The following ZCCHC7 variants were observed in gnomAD, a reference collection of about 807,000 sequenced individuals.
ZCCHC7 encodes zinc finger CCHC domain-containing protein 7.
Under a neutral mutation model 52.0 loss-of-function variants are expected in ZCCHC7, and 35 were observed. The observed-to-expected ratio is 0.67, with a 90% CI of 0.51 to 0.89. The LOEUF (loss-of-function observed/expected upper bound fraction) is 0.89. Ranked by LOEUF, ZCCHC7 falls within the 40% of genes least tolerant of loss-of-function variation. ZCCHC7 has a pLI of 0.00. For missense variants in ZCCHC7, 574 were observed against 649.1 expected (o/e 0.88, Z 1.26); for synonymous variants, 217 against 221.5 (o/e 0.98, Z 0.18).
intron 2 of ZCCHC7, among the ~76,000 whole-genome samples, chr9:37,210,543 T>G (rs1476796977): frequency 6.6e-6 from 1 of 152,208 alleles, no homozygotes; most frequent in Non-Finnish European, 1.5e-5. Context: ...TTTCATTTGT[T>G]TCTTGTGTGC....
At chr9:37,187,907 A>G (rs1017794404) in intron 2 of ZCCHC7, among the ~76,000 whole-genome samples, 1 of 152,030 alleles carries the variant, frequency 6.6e-6, no homozygotes, top group African/African-American at 2.4e-5. Context: ...TAAAAATACT[A>G]TCCTACTTCC....
chr9:37,123,437 G>T (rs1842412028), intron 1 of ZCCHC7, among the ~76,000 whole-genome samples: 1 of 152,086 alleles, frequency 6.6e-6, no homozygotes, highest in Non-Finnish European at 1.5e-5. Context: ...TCCTCTTAAA[G>T]GCCATAGGGG....
At chr9:37,348,391 T>TTTCTTTCTTTCC (rs1372754519) in intron 6 of ZCCHC7, among the ~76,000 whole-genome samples, 106 of 150,230 alleles carry the variant, frequency 7.1e-4, no homozygotes, top group African/African-American at 2.5e-3. Flanking sequence ...TCTTTCTTTC[T>TTTCTTTCTTTCC]TTTTTGACAT....
chr9:37,315,476 A>G (rs1829776547), intron 5 of ZCCHC7, among the ~76,000 whole-genome samples: 1 of 152,082 alleles, frequency 6.6e-6, no homozygotes, highest in Non-Finnish European at 1.5e-5. Context: ...GAAGTTCAAG[A>G]CACTCAAGCA....
chr9:37,304,914 A>G (rs1829230262), intron 4 of ZCCHC7, among the ~76,000 whole-genome samples: 5 of 152,134 alleles, frequency 3.3e-5, no homozygotes, highest in Non-Finnish European at 4.4e-5. Flanking sequence ...GACCCCTTTC[A>G]CTTCTAAACC....
intron 2 of ZCCHC7, among the ~76,000 whole-genome samples, chr9:37,289,659 ATTC>A (rs1828436899): frequency 6.6e-6 from 1 of 152,094 alleles, no homozygotes; most frequent in Non-Finnish European, 1.5e-5. Flanking sequence ...CAGTGGAGTG[ATTC>A]TTTGAGTTAT....
At chr9:37,289,973 A>G (rs1349329877) in intron 2 of ZCCHC7, among the ~76,000 whole-genome samples, 1 of 152,192 alleles carries the variant, frequency 6.6e-6, no homozygotes, top group Non-Finnish European at 1.5e-5. Flanking sequence ...AGTGAAGGGT[A>G]TTCTGTCTAC....
At chr9:37,124,378 A>G (rs1287329656) in intron 1 of ZCCHC7, among the ~76,000 whole-genome samples, 1 of 151,756 alleles carries the variant, frequency 6.6e-6, no homozygotes, top group Non-Finnish European at 1.5e-5. Context: ...TTGTATTTTA[A>G]GCACATACTA....
chr9:37,316,831 C>A (rs1348678858), intron 5 of ZCCHC7, among the ~76,000 whole-genome samples: 2 of 150,874 alleles, frequency 1.3e-5, no homozygotes, highest in Non-Finnish European at 2.9e-5. Context: ...CAAATACCAC[C>A]TGAGCTGCCA....
chr9:37,215,374 T>G (rs1824449598), intron 2 of ZCCHC7, among the ~76,000 whole-genome samples: 1 of 152,140 alleles, frequency 6.6e-6, no homozygotes, highest in Non-Finnish European at 1.5e-5. Flanking sequence ...CAGAACAAAA[T>G]AACTCCTCAT....
Position 37,272,462 on chromosome 9 carries a change from G to T in ZCCHC7, c.611-29726G>T, listed in dbSNP as rs545949602. On this transcript the variant is annotated intron_variant, in intron 2 of 8. Coordinates refer to ENST00000336755, the MANE Select transcript of ZCCHC7 (RefSeq NM_032226.3). The stretch of plus-strand genomic sequence containing the variant: ...AACCATCACCCGGGTCAAGAAATAG[G>T]ACCCTTTACATGTTTCAAAGCTGTG... 7.8e-5 allele frequency among the ~76,000 whole-genome samples: 11 copies of T among 141,310 alleles called. No homozygotes were observed. In the South Asian group the frequency reaches 2.4e-3, roughly 31 times the overall value. The allele number at this position is 141,310 out of a possible 152,430, so 92.7% of individuals were successfully genotyped here. A position where few individuals can be genotyped will look rare whatever the true frequency, so the allele number is the denominator to read the frequency against.
At chr9:37,233,227 A>C (rs1379529472) in intron 2 of ZCCHC7, among the ~76,000 whole-genome samples, 4 of 152,204 alleles carry the variant, frequency 2.6e-5, no homozygotes, top group Admixed American at 2.0e-4. Context: ...TTAGCCTAGC[A>C]TATCTTAAGC....
chr9:37,330,556 A>T (rs1250123766), intron 6 of ZCCHC7, among the ~76,000 whole-genome samples: 2 of 151,672 alleles, frequency 1.3e-5, no homozygotes, highest in Admixed American at 6.6e-5. Context: ...AAAAGAAAAA[A>T]ATATTGTTTT....
In ZCCHC7 at chr9:37,340,869, G is replaced by A. The variant is rs554422023; in HGVS notation, c.988-8488G>A. Among the ~76,000 whole-genome samples, 7 of 152,220 alleles carry A rather than the reference G, an allele frequency of 4.6e-5. No homozygotes were observed. The South Asian group carries it at 1.5e-3, about 32-fold the overall frequency. On this transcript the variant is annotated intron_variant, in intron 6 of 8. Transcript: ENST00000336755. ...TGATAGTTTATTAAAATGAGAGTATGTAGATAGCGTTTGTCATGTCATTTA... is the reference window on the plus strand; with the variant it reads ...TGATAGTTTATTAAAATGAGAGTATATAGATAGCGTTTGTCATGTCATTTA...
At chr9:37,185,712 CTTCTTT>C (rs921795115) in intron 2 of ZCCHC7, among the ~76,000 whole-genome samples, 10 of 152,032 alleles carry the variant, frequency 6.6e-5, no homozygotes, top group African/African-American at 2.4e-4. Context: ...AAATTTTTTT[CTTCTTT>C]TTCTTCTATG....
At position 37,252,678 on chromosome 9, in the gene ZCCHC7, A is replaced by C. The variant is rs1411406880; in HGVS notation, c.611-49510A>C. Among the ~76,000 whole-genome samples, 8 of 152,324 alleles carry C rather than the reference A, an allele frequency of 5.3e-5. No homozygotes were observed. In the East Asian group the frequency reaches 1.5e-3, roughly 29 times the overall value. On this transcript the variant is annotated intron_variant, in intron 2 of 8. Transcript: ENST00000336755. ...ACTTTGCAAATTATTGTTTTAACTTAGATTACCAGTCAACCCAATTTAAGT... is the reference window on the plus strand; with the variant it reads ...ACTTTGCAAATTATTGTTTTAACTTCGATTACCAGTCAACCCAATTTAAGT...
intron 2 of ZCCHC7, among the ~76,000 whole-genome samples, chr9:37,161,077 G>A (rs1395817391): frequency 6.6e-6 from 1 of 151,440 alleles, no homozygotes; most frequent in Non-Finnish European, 1.5e-5. Context: ...AGCCTCCCGA[G>A]TAGCTGGGAT....
chr9:37,306,829 G>A (rs528446803), intron 5 of ZCCHC7, among the ~76,000 whole-genome samples: 10 of 111,666 alleles, frequency 9.0e-5, no homozygotes, highest in African/African-American at 2.8e-4. Flanking sequence ...GCTCTGTCAC[G>A]GTGGCTAGAG....
At chr9:37,194,047 CACTTA>C (rs1823156578) in intron 2 of ZCCHC7, among the ~76,000 whole-genome samples, 1 of 152,158 alleles carries the variant, frequency 6.6e-6, no homozygotes, top group African/African-American at 2.4e-5. Context: ...TCCTCTCTGG[CACTTA>C]ACTTGCCTAT....
Sources: gnomAD v4.1 joint callset for allele counts (sites outside exome capture counted in the v4.1 genomes callset) on GRCh38, gnomAD v4.1.1 for gene constraint, MANE v1.5 for transcripts, NCBI Gene and HGNC (gene_info 2026-07-23, HGNC 2026-07-21) for gene names.